The following XXYLT1 variants were observed in gnomAD, a reference collection of about 807,000 sequenced individuals.
XXYLT1 encodes UDP-xylose:alpha-xyloside alpha-1,3-xylosyltransferase.
In XXYLT1, 20 loss-of-function variants were observed where a neutral mutation model predicts 28.9. That is an observed-to-expected ratio of 0.69 (90% CI 0.49 to 1.00). The LOEUF (loss-of-function observed/expected upper bound fraction) is 1.00, where lower values mean the gene tolerates loss of function less well. Ranked by LOEUF, XXYLT1 falls within the 50% of genes least tolerant of loss-of-function variation. XXYLT1 has a pLI of 0.00. For missense variants in XXYLT1, 542 were observed against 560.1 expected (o/e 0.97, Z 0.33); for synonymous variants, 257 against 253.8 (o/e 1.01, Z -0.12).
Position 195,199,864 on chromosome 3 carries a change from C to T in XXYLT1, c.652+26845G>A, listed in dbSNP as rs148268082. On this transcript the variant is annotated intron_variant, in intron 2 of 3. Coordinates refer to ENST00000310380, the MANE Select transcript of XXYLT1 (RefSeq NM_152531.5). ...GCATTAGACTTATGAGCCATGATGG[C>T]GTTTCCCCAACTGGTGTTTGGGAAA... 9.5e-4 allele frequency among the ~76,000 whole-genome samples: 144 copies of T among 152,260 alleles called. 1 individual carries two copies. The highest frequency in any genetic ancestry group is 3.4e-3 in the Middle Eastern group (1 of 294).
chr3:195,235,060 T>C (rs1468330358), intron 1 of XXYLT1, among the ~76,000 whole-genome samples: 2 of 151,852 alleles, frequency 1.3e-5, no homozygotes, highest in Non-Finnish European at 2.9e-5. Flanking sequence ...TACTCTTTCT[T>C]TTGTCTCCTC....
chr3:195,202,085 G>A (rs1035797050), intron 2 of XXYLT1, among the ~76,000 whole-genome samples: 2 of 152,180 alleles, frequency 1.3e-5, no homozygotes, highest in East Asian at 1.9e-4. Flanking sequence ...GCTGAGGCAG[G>A]AGAATTGCTT....
chr3:195,113,207 T>A (rs927821387), intron 3 of XXYLT1, among the ~76,000 whole-genome samples: 1 of 152,112 alleles, frequency 6.6e-6, no homozygotes, highest in East Asian at 1.9e-4. Context: ...TGGAGCCGCC[T>A]CAGGAAAACA....
intron 2 of XXYLT1, among the ~76,000 whole-genome samples, chr3:195,197,381 G>A (rs773683708): frequency 3.3e-5 from 5 of 150,924 alleles, no homozygotes; most frequent in Non-Finnish European, 5.9e-5. Context: ...AGGCTGCAGT[G>A]AGCCAAGATC....
chr3:195,070,692 C>G (rs1296844794), intron 3 of XXYLT1, among the ~76,000 whole-genome samples: 1 of 152,160 alleles, frequency 6.6e-6, no homozygotes, highest in Non-Finnish European at 1.5e-5. Context: ...GCAGCTGAAC[C>G]CTGACTGGAA....
At position 195,077,858 on chromosome 3, in the gene XXYLT1, T is replaced by G. The variant is rs1715211683; in HGVS notation, c.786-7747A>C. On this transcript the variant is annotated intron_variant, in intron 3 of 3. Transcript: ENST00000310380. This position sits in a 1 kb window ranked among gnomAD's most constrained non-coding sequence, Gnocchi z 4.8. Reference sequence around the variant, plus strand: ...CCATGCCCTTCTCGAAGGCTTCTCCTGGCCCTCCGCTCCCCGTGCCCAGCC... The same window carrying G: ...CCATGCCCTTCTCGAAGGCTTCTCCGGGCCCTCCGCTCCCCGTGCCCAGCC... 6.6e-6 allele frequency among the ~76,000 whole-genome samples: 1 copy of G among 152,114 alleles called. No homozygotes were observed. The highest frequency in any genetic ancestry group is 1.5e-5 in the Non-Finnish European group (1 of 68,008).
rs1714652485 is a variant in XXYLT1 at position 195,069,039 on chromosome 3, TAGCTGGGAGATACA to T, written c.*662_*675del. ...TAAAGGACAATGGGGTTCTAGGATG[TAGCTGGGAGATACA>T]AGCTGTGAGTACTCTAATAATGAGA... On this transcript the variant is annotated 3_prime_UTR_variant, in exon 4 of 4. Transcript: ENST00000310380. 6.6e-6 allele frequency: 1 copy of T among 152,230 alleles called. No individual in the cohort carries two copies. Among genetic ancestry groups the T allele is most frequent in the Non-Finnish European group, 1.5e-5 (1 of 68,054 alleles). 9.4% of individuals were successfully genotyped at this position (152,230 alleles called of 1,614,324 possible).
intron 1 of XXYLT1, among the ~76,000 whole-genome samples, chr3:195,227,073 T>C (rs1188368335): frequency 6.6e-6 from 1 of 151,794 alleles, no homozygotes; most frequent in Non-Finnish European, 1.5e-5. Flanking sequence ...GGGGACACTG[T>C]GTGAGGGGTG....
Position 195,076,911 on chromosome 3 carries a change from A to G in XXYLT1, c.786-6800T>C, listed in dbSNP as rs1715154215. 6.6e-6 allele frequency among the ~76,000 whole-genome samples: 1 copy of G among 151,926 alleles called. No individual in the cohort carries two copies. Among genetic ancestry groups the G allele is most frequent in the African/African-American group, 2.4e-5 (1 of 41,326 alleles). On this transcript the variant is annotated intron_variant, in intron 3 of 3. Coordinates refer to ENST00000310380, the MANE Select transcript of XXYLT1 (RefSeq NM_152531.5). This position sits in a 1 kb window ranked among gnomAD's most constrained non-coding sequence, Gnocchi z 5.3. ...ATCTCAACTCTTTATATCTGCAACA[A>G]CCCCATTCCCACAAAAGGTGACACT...
chr3:195,258,092 C>T (rs1031683600), intron 1 of XXYLT1, among the ~76,000 whole-genome samples: 3 of 152,200 alleles, frequency 2.0e-5, no homozygotes, highest in African/African-American at 4.8e-5. Context: ...CAGAATCCCA[C>T]GCTGACCAGG....
At chr3:195,231,666 T>G (rs865783068) in intron 1 of XXYLT1, among the ~76,000 whole-genome samples, 23 of 152,210 alleles carry the variant, frequency 1.5e-4, no homozygotes, top group African/African-American at 5.3e-4. Flanking sequence ...TTCATTTAGT[T>G]GATATGATGT....
At position 195,180,751 on chromosome 3, in the gene XXYLT1, C is replaced by T. The variant is rs1294919192; in HGVS notation, c.653-24170G>A. The stretch of plus-strand genomic sequence containing the variant: ...CACTGCCCCCACCCCTGCAAGCACA[C>T]ACCTGCTCGCCAGGAGCAAGGGCAG... On this transcript the variant is annotated intron_variant, in intron 2 of 3. Coordinates refer to ENST00000310380, the MANE Select transcript of XXYLT1 (RefSeq NM_152531.5). The surrounding 1 kb of genome is among the most constrained non-coding windows in gnomAD (Gnocchi z 5.8). Among the ~76,000 whole-genome samples the T allele has an allele frequency of 6.6e-6, 1 of 152,234 alleles. No homozygotes were observed. Among genetic ancestry groups the T allele is most frequent in the Non-Finnish European group, 1.5e-5 (1 of 68,042 alleles).
chr3:195,213,852 A>G (rs941712425), intron 2 of XXYLT1, among the ~76,000 whole-genome samples: 3 of 152,186 alleles, frequency 2.0e-5, no homozygotes, highest in Non-Finnish European at 2.9e-5. Flanking sequence ...CATGGTCACT[A>G]TTCCCATTTT....
chr3:195,235,629 C>T (rs976213580), intron 1 of XXYLT1, among the ~76,000 whole-genome samples: 1 of 152,100 alleles, frequency 6.6e-6, no homozygotes, highest in African/African-American at 2.4e-5. Flanking sequence ...GTAGTCTTTG[C>T]AGTCTGGGTT....
chr3:195,121,900 G>C (rs1425906374), intron 3 of XXYLT1: 2 of 630,642 alleles, frequency 3.2e-6, no homozygotes. Flanking sequence ...CTAGCACTGG[G>C]CCTCCAAGAG....
chr3:195,109,304 A>C (rs954487128), intron 3 of XXYLT1, among the ~76,000 whole-genome samples: 2 of 152,184 alleles, frequency 1.3e-5, no homozygotes, highest in African/African-American at 4.8e-5. Flanking sequence ...GAGAAGGCGG[A>C]ATAACCAGGC....
intron 3 of XXYLT1, among the ~76,000 whole-genome samples, chr3:195,083,498 A>C (rs529645627): frequency 2.0e-4 from 31 of 152,222 alleles, no homozygotes; most frequent in South Asian, 1.9e-3. Flanking sequence ...CCTTCTCCTC[A>C]TCTCCTCCTC....
intron 1 of XXYLT1, among the ~76,000 whole-genome samples, chr3:195,250,488 C>T (rs1725207596): frequency 6.6e-6 from 1 of 151,324 alleles, no homozygotes; most frequent in Non-Finnish European, 1.5e-5. Context: ...CACTTGAACC[C>T]AGGAGGCAGA....
intron 3 of XXYLT1, among the ~76,000 whole-genome samples, chr3:195,146,330 G>A (rs932420479): frequency 1.3e-5 from 2 of 152,234 alleles, no homozygotes; most frequent in African/African-American, 2.4e-5. Context: ...TCTGCTGCCT[G>A]GATTACAAAT....
Sources: allele counts gnomAD v4.1 joint callset (sites outside exome capture counted in the v4.1 genomes callset), GRCh38; gene constraint gnomAD v4.1.1; non-coding constraint Gnocchi (gnomAD v3.1); transcripts MANE v1.5; gene names NCBI Gene and HGNC (gene_info 2026-07-23, HGNC 2026-07-21).